Variants in AEBP2 observed in about 807,000 individuals in gnomAD.
AEBP2 encodes zinc finger protein AEBP2.
A neutral mutation model predicts 50.8 loss-of-function variants in AEBP2; 10 were observed. That is an observed-to-expected ratio of 0.20 (90% CI 0.12 to 0.33). The LOEUF is 0.33. AEBP2 is among the 10% of genes least tolerant of loss of function. AEBP2 has a pLI of 1.00. For synonymous variants in AEBP2, 296 were observed against 261.3 expected, an observed-to-expected ratio of 1.13 and a Z score of -1.28; for missense variants, 570 against 688.0, an observed-to-expected ratio of 0.83 and a Z score of 1.92.
At chr12:19,497,352 T>TTTTTTG (rs71067031) in intron 4 of AEBP2, among the ~76,000 whole-genome samples, 1 of 144,912 alleles carries the variant, frequency 6.9e-6, no homozygotes, top group Admixed American at 7.1e-5. Flanking sequence ...TTTTTTTTTT[T>TTTTTTG]GAGACAGAGT....
chr12:19,481,202 G>A lies in AEBP2; in HGVS notation c.987+7847G>A, dbSNP rs540822032. On this transcript the variant is annotated intron_variant, in intron 3 of 7. Transcript: ENST00000266508. ...TTCAACCTCCGCCTTCCAGGTTCAA[G>A]TGATTCTCTTGCCTCATCCTCCCGA... Among the ~76,000 whole-genome samples the A allele has an allele frequency of 9.9e-5, 14 of 141,698 alleles. No homozygotes were observed. The East Asian group carries it at 3.2e-3, about 32-fold the overall frequency. 93.0% of individuals were successfully genotyped at this position (141,698 alleles called of 152,430 possible). A position where few individuals can be genotyped will look rare whatever the true frequency, so the allele number is the denominator to read the frequency against.
At chr12:19,457,711 A>G (rs1948295363) in intron 1 of AEBP2, 12 of 996,452 alleles carry the variant, frequency 1.2e-5, no homozygotes, top group South Asian at 5.8e-5. Flanking sequence ...TTGTGAAAAG[A>G]AAAAAAAGCT....
intron 2 of AEBP2, among the ~76,000 whole-genome samples, chr12:19,472,200 A>T (rs372373781): frequency 2.0e-5 from 3 of 152,156 alleles, no homozygotes; most frequent in Non-Finnish European, 4.4e-5. Flanking sequence ...CTGAAGAAAG[A>T]TTCTTCAGTT....
chr12:19,431,707 T>C (rs2095751507), intron 1 of AEBP2, among the ~76,000 whole-genome samples: 1 of 152,300 alleles, frequency 6.6e-6, no homozygotes, highest in African/African-American at 2.4e-5. Context: ...ATCTACAGAA[T>C]GGGAAAACTT....
chr12:19,407,028 A>T (rs1222572418), intron 1 of AEBP2, among the ~76,000 whole-genome samples: 1 of 152,140 alleles, frequency 6.6e-6, no homozygotes, highest in Non-Finnish European at 1.5e-5. Context: ...AAGATTGGGC[A>T]TGGTGTCTCA....
At chr12:19,465,794 T>TTC (rs199608829) in intron 2 of AEBP2, among the ~76,000 whole-genome samples, 3,088 of 141,210 alleles carry the variant, frequency 0.022, 39 homozygotes, top group East Asian at 0.04. Flanking sequence ...GTTTTTTCTT[T>TTC]TTTTTTTTTT....
chr12:19,408,280 G>C (rs373566876), intron 1 of AEBP2, among the ~76,000 whole-genome samples: 1 of 152,000 alleles, frequency 6.6e-6, no homozygotes, highest in African/African-American at 2.4e-5. Context: ...TTCTTGGCCG[G>C]GTGTGCTGGC....
rs574118962 is a variant in AEBP2, at chr12:19,444,626, A to G, written c.671+4256A>G. Among the ~76,000 whole-genome samples, 5 of 152,318 alleles carry G rather than the reference A, an allele frequency of 3.3e-5. No homozygotes were observed. The South Asian group carries it at 6.2e-4, about 19-fold the overall frequency. ...TATATCTTTGAACTTTAGTTCCTCA[A>G]CTACAAAACAGGTATTACTCTGAAG... On this transcript the variant is annotated intron_variant, in intron 1 of 7. Transcript: ENST00000266508.
At chr12:19,489,287 G>A (rs1338836406) in intron 3 of AEBP2, among the ~76,000 whole-genome samples, 3 of 152,234 alleles carry the variant, frequency 2.0e-5, no homozygotes, top group Non-Finnish European at 4.4e-5. Context: ...GGAAGGTGAA[G>A]GGGAAGCAGT....
chr12:19,439,956 G>C lies in AEBP2; in HGVS notation c.257G>C (p.Ser86Thr). Residue 86 changes from serine (S) to threonine (T), a missense_variant, in exon 1 of 8, where the codon AGC becomes ACC. Transcript: ENST00000266508. ...GAGGCAGAGACGATGTCGGAGCCGAGCCCCGAGAGCGCCAGCCAGGCCGGG... is the reference window on the plus strand; with the variant it reads ...GAGGCAGAGACGATGTCGGAGCCGACCCCCGAGAGCGCCAGCCAGGCCGGG... ...GGEAETMSEP[S>T]PESASQAGED... is the part of the protein sequence containing the mutation. 2 of 1,518,970 alleles carry C rather than the reference G, an allele frequency of 1.3e-6. No homozygotes were observed. The highest frequency in any genetic ancestry group is 1.8e-6 in the Non-Finnish European group (2 of 1,140,220). The allele number at this position is 1,518,970 out of a possible 1,614,324, so 94.1% of individuals were successfully genotyped here.
intron 2 of AEBP2, among the ~76,000 whole-genome samples, chr12:19,470,927 T>G (rs1329069658): frequency 6.6e-6 from 1 of 152,234 alleles, no homozygotes; most frequent in Non-Finnish European, 1.5e-5. Flanking sequence ...AAATACTTTC[T>G]TTAAGGCATT....
chr12:19,498,564 G>T (rs1040983037), intron 4 of AEBP2, among the ~76,000 whole-genome samples: 3 of 152,222 alleles, frequency 2.0e-5, no homozygotes, highest in Admixed American at 1.3e-4. Context: ...CAGCATATAT[G>T]TAATTCAGAA....
chr12:19,506,048 C>T (rs1042909591), intron 5 of AEBP2, among the ~76,000 whole-genome samples: 1 of 151,918 alleles, frequency 6.6e-6, no homozygotes, highest in African/African-American at 2.4e-5. Flanking sequence ...GGCTTTGCCT[C>T]CCAGAGTGCT....
At chr12:19,476,411 G>C (rs1410431968) in intron 3 of AEBP2, among the ~76,000 whole-genome samples, 1 of 152,064 alleles carries the variant, frequency 6.6e-6, no homozygotes, top group East Asian at 1.9e-4. Flanking sequence ...GTGTGATCTT[G>C]ACTTACTGCA....
At chr12:19,423,790 G>A (rs932583109) in intron 1 of AEBP2, among the ~76,000 whole-genome samples, 14 of 152,128 alleles carry the variant, frequency 9.2e-5, no homozygotes, top group East Asian at 7.7e-4. Flanking sequence ...GCAGTGAGCC[G>A]AGATTGCGCC....
chr12:19,442,433 A>C (rs1388941785), intron 1 of AEBP2, among the ~76,000 whole-genome samples: 1 of 152,214 alleles, frequency 6.6e-6, no homozygotes, highest in Non-Finnish European at 1.5e-5. Flanking sequence ...GATATGTGTC[A>C]GAGTTTTGTT....
chr12:19,453,001 T>C (rs1292456865), intron 1 of AEBP2, among the ~76,000 whole-genome samples: 1 of 150,230 alleles, frequency 6.7e-6, no homozygotes, highest in Admixed American at 6.6e-5. Context: ...AGTCTCGCTT[T>C]GTCGCCCAAG....
At chr12:19,475,857 T>C (rs183921478) in intron 3 of AEBP2, among the ~76,000 whole-genome samples, 1 of 152,282 alleles carries the variant, frequency 6.6e-6, no homozygotes, top group African/African-American at 2.4e-5. Flanking sequence ...TTTGCCCACT[T>C]TTCGATGGGA....
intron 6 of AEBP2, 40 bp downstream of exon 6, chr12:19,512,505 G>C: frequency 4.0e-6 from 5 of 1,264,784 alleles, no homozygotes; most frequent in Non-Finnish European, 5.4e-6. Flanking sequence ...ATAAGTTCAT[G>C]TTTTATTTTT....
Sources: gnomAD v4.1 joint callset for allele counts (sites outside exome capture counted in the v4.1 genomes callset) on GRCh38, gnomAD v4.1.1 for gene constraint, MANE v1.5 for transcripts, NCBI Gene and HGNC (gene_info 2026-07-23, HGNC 2026-07-21) for gene names.